RIN3: variants seen among roughly 807,000 people sequenced by gnomAD.
RIN3 encodes Ras and Rab interactor 3.
A neutral mutation model predicts 76.3 loss-of-function variants in RIN3; 54 were observed. The ratio of observed to expected loss-of-function variants is 0.71; its 90% confidence interval spans 0.57 to 0.89. The LOEUF is 0.89. RIN3 is among the 40% of genes least tolerant of loss of function. The probability of loss-of-function intolerance (pLI) is 0.00; values close to 1 mark genes in which losing one functional copy is unlikely to be tolerated. For synonymous variants in RIN3, 576 were observed against 564.0 expected, an observed-to-expected ratio of 1.02 and a Z score of -0.30; for missense variants, 1,256 against 1,322.1, an observed-to-expected ratio of 0.95 and a Z score of 0.78.
chr14:92,587,732 C>T (rs1566856103), intron 3 of RIN3, among the ~76,000 whole-genome samples: 1 of 151,830 alleles, frequency 6.6e-6, no homozygotes, highest in East Asian at 1.9e-4. Flanking sequence ...CAAGTGGGGT[C>T]AGGGGTCAGA....
rs978326197 is a variant in RIN3 at position 92,623,087 on chromosome 14, G to A, written c.440+7608G>A. Among the ~76,000 whole-genome samples, 1 of 152,222 alleles carries A rather than the reference G, an allele frequency of 6.6e-6. No individual in the cohort carries two copies. The highest frequency in any genetic ancestry group is 1.5e-5 in the Non-Finnish European group (1 of 68,048). ...AAGCACAGCTATTGCGATTGCGAGAGAGGTAACAATAGAGGCCATGAGTCC... is the reference window on the plus strand; with the variant it reads ...AAGCACAGCTATTGCGATTGCGAGAAAGGTAACAATAGAGGCCATGAGTCC... On this transcript the variant is annotated intron_variant, in intron 4 of 9. Coordinates refer to ENST00000216487, the MANE Select transcript of RIN3 (RefSeq NM_024832.5). This position sits in a 1 kb window ranked among gnomAD's most constrained non-coding sequence, Gnocchi z 4.9.
rs1262880005 is a variant in RIN3, at chr14:92,568,045, A to G, written c.250-9315A>G. Reference sequence around the variant, plus strand: ...CTCATGTTTAGATGAGGACATTGAGACCCCAAGAAGTAAAAGTAACTTGCC... The same window carrying G: ...CTCATGTTTAGATGAGGACATTGAGGCCCCAAGAAGTAAAAGTAACTTGCC... On this transcript the variant is annotated intron_variant, in intron 2 of 9. Transcript: ENST00000216487. The surrounding 1 kb of genome is among the most constrained non-coding windows in gnomAD (Gnocchi z 4.2). 1.3e-5 allele frequency among the ~76,000 whole-genome samples: 2 copies of G among 152,092 alleles called. No homozygotes were observed. Among genetic ancestry groups the G allele is most frequent in the African/African-American group, 4.8e-5 (2 of 41,400 alleles).
intron 3 of RIN3, among the ~76,000 whole-genome samples, chr14:92,583,674 T>G (rs941161602): frequency 2.6e-5 from 4 of 152,220 alleles, no homozygotes; most frequent in Non-Finnish European, 5.9e-5. Context: ...AACCTAGAAA[T>G]GATTTAAAGC....
In RIN3 at chr14:92,648,048, G is replaced by T. The variant is rs1351646395; in HGVS notation, c.533-3534G>T. 6.6e-6 allele frequency among the ~76,000 whole-genome samples: 1 copy of T among 151,864 alleles called. No individual in the cohort carries two copies. The highest frequency in any genetic ancestry group is 1.5e-5 in the Non-Finnish European group (1 of 68,004). ...TGACACAGGGTTCTGTTTCTCCCCTGGCCTTGGCGTTCTCAGGCTGCAGAG... is the reference window on the plus strand; with the variant it reads ...TGACACAGGGTTCTGTTTCTCCCCTTGCCTTGGCGTTCTCAGGCTGCAGAG... On this transcript the variant is annotated intron_variant, in intron 5 of 9. Transcript: ENST00000216487. The surrounding 1 kb of genome is among the most constrained non-coding windows in gnomAD (Gnocchi z 4.1).
intron 4 of RIN3, among the ~76,000 whole-genome samples, chr14:92,617,254 C>T (rs968723427): frequency 6.6e-6 from 1 of 151,992 alleles, no homozygotes; most frequent in Admixed American, 6.6e-5. Flanking sequence ...GAACCAAGAT[C>T]GTACCATTGC....
At chr14:92,613,954 C>G (rs540737799) in intron 3 of RIN3, among the ~76,000 whole-genome samples, 1 of 152,162 alleles carries the variant, frequency 6.6e-6, no homozygotes, top group Non-Finnish European at 1.5e-5. Flanking sequence ...GGGGCAGGTG[C>G]CTGTGGGGCA....
chr14:92,575,183 TGATGATAC>T (rs1449718531), intron 2 of RIN3, among the ~76,000 whole-genome samples: 1 of 152,158 alleles, frequency 6.6e-6, no homozygotes, highest in African/African-American at 2.4e-5. Context: ...ACAATGATTA[TGATGATAC>T]AGCAATATAG....
chr14:92,684,573 A>G (rs906850956), intron 8 of RIN3, among the ~76,000 whole-genome samples: 3 of 152,298 alleles, frequency 2.0e-5, no homozygotes, highest in Middle Eastern at 6.8e-3. Flanking sequence ...AAATGGAACC[A>G]TAGTAACTCA....
At position 92,651,915 on chromosome 14, in the gene RIN3, T is replaced by A; in HGVS notation, c.866T>A (p.Leu289Gln). ...CCACCCCCTCCCCCAGTGCTGCCCCTGCAGCCCTGCAGCCCAGCCCAGCCC... is the reference window on the plus strand; with the variant it reads ...CCACCCCCTCCCCCAGTGCTGCCCCAGCAGCCCTGCAGCCCAGCCCAGCCC... ...RPPPPPPVLP[L>Q]QPCSPAQPPV... Residue 289 changes from leucine to glutamine, a missense_variant, in exon 6 of 10, where the codon CTG (leucine) becomes CAG (glutamine). This residue lies in a region of RIN3 where 610 missense variants were observed against 626.4 expected (regional missense o/e 0.97). Transcript: ENST00000216487. 1 of 1,063,258 alleles carries A rather than the reference T, an allele frequency of 9.4e-7. No homozygotes were observed. Among genetic ancestry groups the A allele is most frequent in the Non-Finnish European group, 1.2e-6 (1 of 830,626 alleles). The allele number at this position is 1,063,258 out of a possible 1,614,324, so 65.9% of individuals were successfully genotyped here. A position where few individuals can be genotyped will look rare whatever the true frequency, so the allele number is the denominator to read the frequency against.
At chr14:92,595,165 T>A (rs952661603) in intron 3 of RIN3, among the ~76,000 whole-genome samples, 1 of 152,148 alleles carries the variant, frequency 6.6e-6, no homozygotes, top group African/African-American at 2.4e-5. Flanking sequence ...GAGGCAGAGT[T>A]GTCAATTGCA....
intron 7 of RIN3, among the ~76,000 whole-genome samples, chr14:92,675,601 C>T (rs184165300): frequency 4.6e-5 from 7 of 152,344 alleles, no homozygotes; most frequent in Admixed American, 2.6e-4. Flanking sequence ...GCCATTCCCA[C>T]CATGCACAGC....
At chr14:92,638,338 C>T (rs1240399136) in intron 4 of RIN3, among the ~76,000 whole-genome samples, 1 of 152,170 alleles carries the variant, frequency 6.6e-6, no homozygotes, top group Non-Finnish European at 1.5e-5. Flanking sequence ...GCAGGAGTCC[C>T]CCGAGTGTGG....
intron 3 of RIN3, among the ~76,000 whole-genome samples, chr14:92,608,355 T>A (rs1885603352): frequency 6.6e-6 from 1 of 152,192 alleles, no homozygotes; most frequent in African/African-American, 2.4e-5. Flanking sequence ...TAAACCATTT[T>A]ATGAATACAG....
At chr14:92,567,136 G>A (rs928580467) in intron 2 of RIN3, among the ~76,000 whole-genome samples, 3 of 152,196 alleles carry the variant, frequency 2.0e-5, no homozygotes, top group African/African-American at 7.2e-5. Flanking sequence ...TAGAGTGAGG[G>A]GCTGGACCAC....
At chr14:92,561,290 C>T (rs1474272864) in intron 2 of RIN3, among the ~76,000 whole-genome samples, 1 of 151,200 alleles carries the variant, frequency 6.6e-6, no homozygotes, top group African/African-American at 2.4e-5. Flanking sequence ...AGCGCTGGTG[C>T]TCAGGCTAGG....
At chr14:92,560,187 C>G (rs889675461) in intron 2 of RIN3, among the ~76,000 whole-genome samples, 1 of 152,122 alleles carries the variant, frequency 6.6e-6, no homozygotes, top group Non-Finnish European at 1.5e-5. Context: ...CCCAGGCTGC[C>G]GAGGCCCAGA....
In RIN3 at chr14:92,561,044, A is replaced by ATATATATATATATATATATATATATAT. The variant is rs1410361225; in HGVS notation, c.249+5089_249+5090insTATATATATATATATATATATATATAT. ...CTAAAAAAAAAAAAAAAAAAAAAAA[A>ATATATATATATATATATATATATATAT]ATATATATATATCTGCCATATATAT... is the stretch of plus-strand genomic sequence containing the variant. On this transcript the variant is annotated intron_variant, in intron 2 of 9. Transcript: ENST00000216487. Among the ~76,000 whole-genome samples the ATATATATATATATATATATATATATAT allele has an allele frequency of 2.5e-3, 62 of 24,370 alleles. 6 individuals carry two copies. Among genetic ancestry groups the ATATATATATATATATATATATATATAT allele is most frequent in the East Asian group, 3.7e-3 (2 of 536 alleles). 16.0% of individuals were successfully genotyped at this position (24,370 alleles called of 152,430 possible).
chr14:92,659,814 C>T (rs998265205), intron 7 of RIN3, among the ~76,000 whole-genome samples: 1 of 152,226 alleles, frequency 6.6e-6, no homozygotes, highest in Non-Finnish European at 1.5e-5. Context: ...CATATTGTCT[C>T]ACAGTTTTGG....
chr14:92,594,592 G>T (rs980579428), intron 3 of RIN3, among the ~76,000 whole-genome samples: 2 of 152,144 alleles, frequency 1.3e-5, no homozygotes, highest in African/African-American at 4.8e-5. Context: ...AATCTCAAAA[G>T]AAATTTAAAA....
Sources: allele counts gnomAD v4.1 joint callset (sites outside exome capture counted in the v4.1 genomes callset), GRCh38; gene constraint gnomAD v4.1.1; regional missense constraint gnomAD v4.1.1; non-coding constraint Gnocchi (gnomAD v3.1); transcripts MANE v1.5; gene names NCBI Gene and HGNC (gene_info 2026-07-23, HGNC 2026-07-21).